ZDHHC17: variants seen among roughly 807,000 people sequenced by gnomAD.
ZDHHC17 encodes zDHHC palmitoyltransferase 17, also known as palmitoyltransferase ZDHHC17.
A neutral mutation model predicts 90.3 loss-of-function variants in ZDHHC17; 40 were observed. The observed-to-expected ratio is 0.44, with a 90% confidence interval of 0.34 to 0.58. The LOEUF is 0.58. ZDHHC17 is among the 20% of genes least tolerant of loss of function. ZDHHC17 has a pLI of 0.01. For missense variants in ZDHHC17, 614 were observed against 780.8 expected (o/e 0.79, Z 2.55); for synonymous variants, 235 against 252.4 (o/e 0.93, Z 0.65).
At chr12:76,786,674 C>T (rs1258751092) in intron 1 of ZDHHC17, among the ~76,000 whole-genome samples, 1 of 152,138 alleles carries the variant, frequency 6.6e-6, no homozygotes, top group Non-Finnish European at 1.5e-5. Flanking sequence ...TAGGTATGCA[C>T]CACTGCACCC....
chr12:76,774,944 G>T (rs1403344020), intron 1 of ZDHHC17, among the ~76,000 whole-genome samples: 1 of 152,150 alleles, frequency 6.6e-6, no homozygotes, highest in Non-Finnish European at 1.5e-5. Flanking sequence ...TTTGAGACAG[G>T]ATCTTACTGT....
At chr12:76,792,893 A>T (rs538054664) in intron 1 of ZDHHC17, among the ~76,000 whole-genome samples, 14 of 152,190 alleles carry the variant, frequency 9.2e-5, no homozygotes, top group Non-Finnish European at 1.6e-4. Context: ...ACCCAATTCA[A>T]TGAAAACAGT....
At chr12:76,764,639 T>C (rs1017784) in intron 1 of ZDHHC17, 433,416 of 511,498 alleles carry the variant, frequency 0.85, 184,131 homozygotes, top group Non-Finnish European at 0.87. Flanking sequence ...GGGCCTGGTG[T>C]GGTTTTTGAA....
rs1260891043 is a variant in ZDHHC17, at chr12:76,848,227, C to T, written c.1508-6C>T. On this transcript the variant is annotated splice_region_variant and splice_polypyrimidine_tract_variant and intron_variant, in intron 14 of 16. Coordinates refer to ENST00000426126, the MANE Select transcript of ZDHHC17 (RefSeq NM_015336.4). ...GTAAATACGAGTACTTCTGTTCTGG[C>T]TTTAGACTGGGGACTCCACTGTGAG... 1.2e-5 allele frequency: 19 copies of T among 1,613,614 alleles called. No homozygotes were observed. The highest frequency in any genetic ancestry group is 1.6e-5 in the Non-Finnish European group (19 of 1,179,712).
intron 1 of ZDHHC17, among the ~76,000 whole-genome samples, chr12:76,779,939 A>T (rs1952603457): frequency 6.6e-6 from 1 of 150,934 alleles, no homozygotes; most frequent in Non-Finnish European, 1.5e-5. Context: ...AATTGCTTTT[A>T]CATTGTTGTA....
At chr12:76,777,134 C>T (rs1592459419) in intron 1 of ZDHHC17, among the ~76,000 whole-genome samples, 1 of 56,336 alleles carries the variant, frequency 1.8e-5, no homozygotes, top group African/African-American at 5.6e-5. Flanking sequence ...AGCACACTTC[C>T]TTCCCCATAA....
chr12:76,850,770 A>G lies in ZDHHC17; in HGVS notation c.1761-77A>G. ...AAGTTTAGAAAAAAATATATTTAAC[A>G]CGAAAATTATATTGAATTCATGTAT... On this transcript the variant is annotated intron_variant, in intron 16 of 16. Transcript: ENST00000426126. 3 of 1,527,150 alleles carry G rather than the reference A, an allele frequency of 2.0e-6. No homozygotes were observed. The South Asian group carries it at 3.9e-5, about 20-fold the overall frequency. The allele number at this position is 1,527,150 out of a possible 1,614,324, so 94.6% of individuals were successfully genotyped here.
intron 1 of ZDHHC17, among the ~76,000 whole-genome samples, chr12:76,773,488 C>T (rs1409474581): frequency 1.3e-5 from 2 of 152,124 alleles, no homozygotes; most frequent in Non-Finnish European, 2.9e-5. Flanking sequence ...CACTGAAGGA[C>T]GTCTTATTGC....
At chr12:76,815,075 A>G (rs1480394541) in intron 5 of ZDHHC17, 71 bp from the exon 6 acceptor site, 10 of 1,115,452 alleles carry the variant, frequency 9.0e-6, no homozygotes, top group Non-Finnish European at 1.3e-5. Context: ...TATAGATTAG[A>G]TTTTTCCAAG....
chr12:76,801,526 T>C (rs1044714560), intron 2 of ZDHHC17, among the ~76,000 whole-genome samples: 1 of 151,810 alleles, frequency 6.6e-6, no homozygotes, highest in African/African-American at 2.4e-5. Flanking sequence ...TGGTGGTGGG[T>C]GCCTGTAGTC....
intron 1 of ZDHHC17, among the ~76,000 whole-genome samples, chr12:76,787,313 C>T (rs774359262): frequency 2.6e-5 from 4 of 152,048 alleles, no homozygotes; most frequent in Middle Eastern, 3.2e-3. Context: ...AGGATGAAAT[C>T]GAGAATCTCC....
chr12:76,802,870 T>C (rs761595537), intron 2 of ZDHHC17, among the ~76,000 whole-genome samples: 1 of 152,222 alleles, frequency 6.6e-6, no homozygotes, highest in Admixed American at 6.5e-5. Flanking sequence ...GCAAAAGTGG[T>C]ACATATTCAG....
At chr12:76,764,431 G>A in intron 1 of ZDHHC17, 102 bp downstream of exon 1, 2 of 1,144,448 alleles carry the variant, frequency 1.7e-6, no homozygotes, top group Non-Finnish European at 2.5e-6. Context: ...GTAGTGGGAC[G>A]TGCCGAAGTT....
chr12:76,780,371 C>G (rs1446280852), intron 1 of ZDHHC17, among the ~76,000 whole-genome samples: 1 of 152,190 alleles, frequency 6.6e-6, no homozygotes, highest in Non-Finnish European at 1.5e-5. Context: ...ATTTCTGTCT[C>G]CTCATGCCCA....
chr12:76,813,789 T>C (rs943340246), intron 5 of ZDHHC17, among the ~76,000 whole-genome samples: 9 of 152,124 alleles, frequency 5.9e-5, no homozygotes, highest in Non-Finnish European at 1.2e-4. Flanking sequence ...CTAGATGCTT[T>C]GCACACATTA....
chr12:76,843,197 G>A (rs920270632), intron 12 of ZDHHC17, among the ~76,000 whole-genome samples: 2 of 152,098 alleles, frequency 1.3e-5, no homozygotes, highest in Admixed American at 6.6e-5. Flanking sequence ...CGGAGGTGCC[G>A]TTTATTTGTA....
intron 1 of ZDHHC17, among the ~76,000 whole-genome samples, chr12:76,776,341 A>G (rs1160557715): frequency 1.3e-5 from 2 of 152,170 alleles, no homozygotes; most frequent in Non-Finnish European, 2.9e-5. Context: ...AGAAGGATAT[A>G]TAGTTCATGG....
At chr12:76,813,747 T>G (rs569308162) in intron 5 of ZDHHC17, among the ~76,000 whole-genome samples, 1 of 152,112 alleles carries the variant, frequency 6.6e-6, no homozygotes, top group Admixed American at 6.6e-5. Context: ...ACTTAATATT[T>G]ATTGAATATC....
intron 10 of ZDHHC17, among the ~76,000 whole-genome samples, chr12:76,834,141 A>G (rs999629217): frequency 3.9e-5 from 6 of 152,276 alleles, no homozygotes; most frequent in Non-Finnish European, 5.9e-5. Flanking sequence ...TCATTTTAGC[A>G]GTGGTTATCT....
Sources: allele counts gnomAD v4.1 joint callset (sites outside exome capture counted in the v4.1 genomes callset), GRCh38; gene constraint gnomAD v4.1.1; transcripts MANE v1.5; gene names NCBI Gene and HGNC (gene_info 2026-07-23, HGNC 2026-07-21).